The following CCDC12 variants were observed in gnomAD, a reference collection of about 807,000 sequenced individuals.
CCDC12 encodes the protein coiled-coil domain-containing protein 12.
In CCDC12, 28 loss-of-function variants were observed where a neutral mutation model predicts 25.7. That is an observed-to-expected ratio of 1.09 (90% CI 0.81 to 1.50). The LOEUF (loss-of-function observed/expected upper bound fraction) is 1.50. Ranked by LOEUF, CCDC12 falls within the 40% of genes most tolerant of loss-of-function variation. CCDC12 has a pLI of 0.00. For missense variants in CCDC12, 198 were observed against 210.0 expected (o/e 0.94, Z 0.35); for synonymous variants, 75 against 87.7 (o/e 0.86, Z 0.81).
intron 3 of CCDC12, among the ~76,000 whole-genome samples, chr3:46,924,565 C>A (rs2032852319): frequency 6.6e-6 from 1 of 152,232 alleles, no homozygotes; most frequent in Non-Finnish European, 1.5e-5. Flanking sequence ...GATAACAAGG[C>A]AAGGCACAGT....
intron 3 of CCDC12, among the ~76,000 whole-genome samples, chr3:46,924,685 TA>T (rs1444619030): frequency 6.6e-6 from 1 of 151,946 alleles, no homozygotes; most frequent in Non-Finnish European, 1.5e-5. Flanking sequence ...CTGTCTCTAC[TA>T]AAAACACAAA....
intron 1 of CCDC12, among the ~76,000 whole-genome samples, chr3:46,951,742 T>C (rs781095612): frequency 1.5e-4 from 19 of 125,080 alleles, no homozygotes; most frequent in African/African-American, 5.9e-4. Context: ...ATTGTGCCAC[T>C]GCACTCCAGC....
chr3:46,960,272 T>A (rs935254789), intron 1 of CCDC12, among the ~76,000 whole-genome samples: 1 of 152,160 alleles, frequency 6.6e-6, no homozygotes, highest in Non-Finnish European at 1.5e-5. Context: ...CAGCCAGATG[T>A]GGAAACTGAC....
chr3:46,948,645 G>A (rs1253445652), intron 1 of CCDC12, among the ~76,000 whole-genome samples: 1 of 152,258 alleles, frequency 6.6e-6, no homozygotes, highest in East Asian at 1.9e-4. Flanking sequence ...CTGTCAAGGT[G>A]CCCTCAGCGG....
intron 1 of CCDC12, among the ~76,000 whole-genome samples, chr3:46,945,998 T>C (rs1303670416): frequency 1.3e-5 from 2 of 152,234 alleles, no homozygotes; most frequent in Non-Finnish European, 1.5e-5. Flanking sequence ...CCTCAATGGA[T>C]GAGTACACCT....
chr3:46,934,288 T>G (rs1311862482), intron 2 of CCDC12, among the ~76,000 whole-genome samples: 1 of 152,188 alleles, frequency 6.6e-6, no homozygotes, highest in Non-Finnish European at 1.5e-5. Context: ...TCTGGGAAAG[T>G]GGATGGTGCT....
At chr3:46,940,830 G>A in intron 2 of CCDC12, 168 bp downstream of exon 2, 1 of 657,652 alleles carries the variant, frequency 1.5e-6, no homozygotes, top group African/African-American at 1.8e-5. Flanking sequence ...CCTCGACAAG[G>A]GCCTTCTGAG....
chr3:46,958,678 C>T (rs1175193459), intron 1 of CCDC12, among the ~76,000 whole-genome samples: 1 of 152,076 alleles, frequency 6.6e-6, no homozygotes, highest in African/African-American at 2.4e-5. Context: ...AAGGGCAGGG[C>T]AAAGGTTGTG....
At chr3:46,922,812 G>A (rs909590746) in intron 5 of CCDC12, 1 of 193,388 alleles carries the variant, frequency 5.2e-6, no homozygotes, top group Non-Finnish European at 1.1e-5. Flanking sequence ...CCAAGAATCA[G>A]GCGAGAGGGA....
intron 1 of CCDC12, among the ~76,000 whole-genome samples, chr3:46,942,875 G>C (rs2033764289): frequency 6.6e-6 from 1 of 152,162 alleles, no homozygotes; most frequent in South Asian, 2.1e-4. Context: ...AGCATAGGGG[G>C]AGAGAAGTGG....
upstream of CCDC12, chr3:46,976,883 TC>T (rs1559570644): frequency 4.9e-6 from 6 of 1,235,860 alleles, 1 homozygote; most frequent in Middle Eastern, 5.2e-4. Flanking sequence ...GGGCGAGCCC[TC>T]CCCGCCTTGC....
At chr3:46,926,469 C>G (rs920298707) in intron 2 of CCDC12, among the ~76,000 whole-genome samples, 2 of 152,188 alleles carry the variant, frequency 1.3e-5, no homozygotes, top group African/African-American at 4.8e-5. Flanking sequence ...CTGCGGCTAG[C>G]TACTATGTTT....
intron 1 of CCDC12, among the ~76,000 whole-genome samples, chr3:46,963,462 G>A (rs956675636): frequency 2.6e-4 from 32 of 124,654 alleles, no homozygotes; most frequent in Non-Finnish European, 4.4e-4. Flanking sequence ...CCTCTCCCAC[G>A]GTTTCCCTCT....
At chr3:46,957,669 C>T (rs1247280782) in intron 1 of CCDC12, among the ~76,000 whole-genome samples, 4 of 152,092 alleles carry the variant, frequency 2.6e-5, no homozygotes, top group African/African-American at 7.2e-5. Flanking sequence ...GCCAGGGCGG[C>T]GGTGGCTCAT....
chr3:46,938,241 G>A (rs1358034303), intron 2 of CCDC12, among the ~76,000 whole-genome samples: 1 of 152,206 alleles, frequency 6.6e-6, no homozygotes, highest in East Asian at 1.9e-4. Flanking sequence ...AGTGGGCTCA[G>A]GACAGGGCCT....
chr3:46,980,198 A>T (rs1398210269), upstream of CCDC12, among the ~76,000 whole-genome samples: 2 of 152,108 alleles, frequency 1.3e-5, no homozygotes, highest in Admixed American at 1.3e-4. Flanking sequence ...GCTAGAGGAG[A>T]GTGGCCTGGG....
intron 4 of CCDC12, 112 bp from the exon 5 acceptor site, chr3:46,923,475 G>A (rs758629999): frequency 2.6e-5 from 38 of 1,474,760 alleles, no homozygotes; most frequent in African/African-American, 5.6e-5. Context: ...GGAGAGGGAC[G>A]AGAGCAAAGG....
At chr3:46,927,056 C>T (rs896573255) in intron 2 of CCDC12, among the ~76,000 whole-genome samples, 16 of 152,178 alleles carry the variant, frequency 1.1e-4, no homozygotes, top group African/African-American at 3.9e-4. Flanking sequence ...TGCTTCCTGC[C>T]CCCAGCTTAC....
At chr3:46,941,376 C>T (rs2033697724) in intron 1 of CCDC12, among the ~76,000 whole-genome samples, 1 of 152,136 alleles carries the variant, frequency 6.6e-6, no homozygotes, top group Non-Finnish European at 1.5e-5. Flanking sequence ...TCCTGGCTAA[C>T]ACGGCGAAAC....
Sources: gnomAD v4.1 joint callset for allele counts (sites outside exome capture counted in the v4.1 genomes callset) on GRCh38, gnomAD v4.1.1 for gene constraint, MANE v1.5 for transcripts, NCBI Gene and HGNC (gene_info 2026-07-23, HGNC 2026-07-21) for gene names.